LRRC20: variants seen among roughly 807,000 people sequenced by gnomAD.
LRRC20 encodes the protein leucine rich repeat containing 20.
LRRC20 carries 11 observed loss-of-function variants against 14.4 expected under a neutral mutation model. The observed-to-expected ratio is 0.77, with a 90% CI of 0.48 to 1.27. The LOEUF (loss-of-function observed/expected upper bound fraction) is 1.27, where lower values mean the gene tolerates loss of function less well. LRRC20 is among the 50% of genes most tolerant of loss of function. LRRC20 has a pLI of 0.00. For synonymous variants in LRRC20, 121 were observed against 107.3 expected (o/e 1.13, Z -0.79); for missense variants, 219 against 251.2 (o/e 0.87, Z 0.87).
chr10:70,324,121 G>T, intron 3 of LRRC20, 91 bp from the exon 4 acceptor site: 1 of 1,211,980 alleles, frequency 8.3e-7, no homozygotes. Flanking sequence ...CACCCTGCCT[G>T]GGCCAGGAAG....
At chr10:70,356,169 C>T (rs1243325390) in intron 2 of LRRC20, among the ~76,000 whole-genome samples, 1 of 152,204 alleles carries the variant, frequency 6.6e-6, no homozygotes, top group East Asian at 1.9e-4. Flanking sequence ...TTACTTAACT[C>T]CAATCTCAGT....
intron 4 of LRRC20, among the ~76,000 whole-genome samples, chr10:70,319,476 C>T (rs1319305891): frequency 1.3e-5 from 2 of 152,188 alleles, no homozygotes; most frequent in East Asian, 3.9e-4. Context: ...GACTACATGC[C>T]TCCACCTCCT....
chr10:70,365,053 C>CTTT (rs10581759), intron 2 of LRRC20, among the ~76,000 whole-genome samples: 3 of 71,428 alleles, frequency 4.2e-5, no homozygotes, highest in Admixed American at 1.7e-4. Flanking sequence ...TGAGATTCAA[C>CTTT]TTTTTTTTTT....
At chr10:70,305,040 C>T (rs555253431) in intron 4 of LRRC20, among the ~76,000 whole-genome samples, 9 of 152,162 alleles carry the variant, frequency 5.9e-5, no homozygotes, top group East Asian at 1.9e-4. Context: ...AAAAATTAGC[C>T]GGGTGTGGTG....
At chr10:70,323,289 C>A (rs967573047) in intron 4 of LRRC20, among the ~76,000 whole-genome samples, 28 of 152,106 alleles carry the variant, frequency 1.8e-4, no homozygotes, top group Non-Finnish European at 4.0e-4. Flanking sequence ...GAAGGAGAGA[C>A]CGCTTCCTGA....
chr10:70,333,858 A>G (rs139572811), intron 3 of LRRC20, among the ~76,000 whole-genome samples: 1 of 152,270 alleles, frequency 6.6e-6, no homozygotes, highest in African/African-American at 2.4e-5. Context: ...GAACCAGAAA[A>G]TGTGTTTCTG....
chr10:70,361,565 T>C (rs979808696), intron 2 of LRRC20, among the ~76,000 whole-genome samples: 3 of 152,114 alleles, frequency 2.0e-5, no homozygotes, highest in African/African-American at 7.2e-5. Flanking sequence ...AGAGGTACAG[T>C]GTTAAGAGAA....
intron 2 of LRRC20, among the ~76,000 whole-genome samples, chr10:70,347,814 G>A (rs1317138859): frequency 5.7e-5 from 6 of 106,180 alleles, no homozygotes; most frequent in South Asian, 2.9e-4. Flanking sequence ...GCGAGACTCC[G>A]TCTCAAAAAA....
intron 3 of LRRC20, among the ~76,000 whole-genome samples, chr10:70,337,342 C>T (rs1037923327): frequency 7.2e-5 from 11 of 152,216 alleles, no homozygotes; most frequent in African/African-American, 2.7e-4. Context: ...GAGAGCCCAA[C>T]AGGGTGCTCA....
At chr10:70,357,514 C>G (rs148491040) in intron 2 of LRRC20, among the ~76,000 whole-genome samples, 2 of 152,268 alleles carry the variant, frequency 1.3e-5, no homozygotes, top group Admixed American at 1.3e-4. Flanking sequence ...AAAAGTATTA[C>G]TTTTATTTGA....
chr10:70,380,882 G>A (rs896888986), intron 1 of LRRC20, among the ~76,000 whole-genome samples: 1 of 152,246 alleles, frequency 6.6e-6, no homozygotes, highest in Non-Finnish European at 1.5e-5. Flanking sequence ...TTCCCACTGG[G>A]AGGCAGGATG....
chr10:70,331,477 G>C (rs1021900162), intron 3 of LRRC20, among the ~76,000 whole-genome samples: 1 of 152,212 alleles, frequency 6.6e-6, no homozygotes, highest in Non-Finnish European at 1.5e-5. Context: ...CAAAGCCCCA[G>C]CCACGGGATC....
intron 4 of LRRC20, among the ~76,000 whole-genome samples, chr10:70,316,001 G>C (rs1201140497): frequency 1.3e-5 from 2 of 152,200 alleles, no homozygotes; most frequent in Non-Finnish European, 2.9e-5. Context: ...TCCTTGCAAA[G>C]CTGGGCTTGG....
At chr10:70,326,902 G>T (rs1002272786) in intron 3 of LRRC20, among the ~76,000 whole-genome samples, 1 of 152,046 alleles carries the variant, frequency 6.6e-6, no homozygotes, top group Admixed American at 6.5e-5. Context: ...CTCATGATCC[G>T]CCCGCCTCAG....
chr10:70,353,496 C>T (rs961263798), intron 2 of LRRC20, among the ~76,000 whole-genome samples: 2 of 151,978 alleles, frequency 1.3e-5, no homozygotes, highest in Admixed American at 1.3e-4. Context: ...CGGCTCACTG[C>T]AACCTCCGCC....
At chr10:70,319,143 T>C (rs1841982111) in intron 4 of LRRC20, among the ~76,000 whole-genome samples, 1 of 149,784 alleles carries the variant, frequency 6.7e-6, no homozygotes, top group African/African-American at 2.5e-5. Flanking sequence ...CTCTAATCTC[T>C]TGTGCTCTCT....
At chr10:70,351,550 C>T (rs770905078) in intron 2 of LRRC20, among the ~76,000 whole-genome samples, 12 of 152,204 alleles carry the variant, frequency 7.9e-5, no homozygotes, top group Non-Finnish European at 1.3e-4. Context: ...CATGGCAATC[C>T]TTCACATAAA....
intron 4 of LRRC20, among the ~76,000 whole-genome samples, chr10:70,307,312 T>C (rs1159624742): frequency 6.6e-6 from 1 of 152,242 alleles, no homozygotes; most frequent in Non-Finnish European, 1.5e-5. Context: ...CCTCTATCTG[T>C]CCTTAGGAGC....
At chr10:70,303,670 C>T (rs1036499767) in intron 4 of LRRC20, among the ~76,000 whole-genome samples, 17 of 152,116 alleles carry the variant, frequency 1.1e-4, no homozygotes, top group Admixed American at 9.8e-4. Context: ...TAATTAATTC[C>T]AGGTCCAATA....
Sources: gnomAD v4.1 joint callset for allele counts (sites outside exome capture counted in the v4.1 genomes callset) on GRCh38, gnomAD v4.1.1 for gene constraint, MANE v1.5 for transcripts, NCBI Gene and HGNC (gene_info 2026-07-23, HGNC 2026-07-21) for gene names.